Variants in CEMIP2 observed in about 807,000 individuals in gnomAD.
CEMIP2 encodes cell migration inducing hyaluronidase 2.
In CEMIP2, 79 loss-of-function variants were observed where a neutral mutation model predicts 146.9. That is an observed-to-expected ratio of 0.54 (90% CI 0.45 to 0.65). The LOEUF (loss-of-function observed/expected upper bound fraction) is 0.65, where lower values mean the gene tolerates loss of function less well. Ranked by LOEUF, CEMIP2 falls within the 30% of genes least tolerant of loss-of-function variation. The probability of loss-of-function intolerance (pLI) is 0.00; values close to 1 mark genes in which losing one functional copy is unlikely to be tolerated. For missense variants in CEMIP2, 1,596 were observed against 1,696.2 expected (o/e 0.94, Z 1.04); for synonymous variants, 601 against 606.3 (o/e 0.99, Z 0.13).
intron 7 of CEMIP2, among the ~76,000 whole-genome samples, chr9:71,731,476 C>A (rs1182668319): frequency 6.6e-6 from 1 of 152,122 alleles, no homozygotes; most frequent in Non-Finnish European, 1.5e-5. Flanking sequence ...GTGGCTCACA[C>A]CTAGCACTTT....
chr9:71,685,408 A>AG lies in CEMIP2; in HGVS notation c.3956-16_3956-15insC, dbSNP rs1554678955. 6.9e-5 allele frequency: 103 copies of AG among 1,496,144 alleles called. No homozygotes were observed. The highest frequency in any genetic ancestry group is 7.0e-5 in the Admixed American group (3 of 42,698). The allele number at this position is 1,496,144 out of a possible 1,614,324, so 92.7% of individuals were successfully genotyped here. On this transcript the variant is annotated splice_polypyrimidine_tract_variant and intron_variant, in intron 23 of 23. Coordinates refer to ENST00000377044, the MANE Select transcript of CEMIP2 (RefSeq NM_013390.3). ...TATGGTACTCCCTAAAAAAAAAAAA[A>AG]AAAAAGAAAAAGAAAAAAAATCAAT...
intron 4 of CEMIP2, among the ~76,000 whole-genome samples, chr9:71,741,614 TTTC>T (rs1823917534): frequency 3.0e-5 from 4 of 132,018 alleles, no homozygotes; most frequent in South Asian, 2.4e-4. Context: ...AACACCATTA[TTTC>T]TTTTTCTTTT....
chr9:71,717,332 G>A (rs927589746), intron 13 of CEMIP2, among the ~76,000 whole-genome samples: 2 of 151,974 alleles, frequency 1.3e-5, no homozygotes, highest in African/African-American at 2.4e-5. Flanking sequence ...CACAGTATCA[G>A]TTTTTTGGAT....
chr9:71,733,540 A>T (rs62547033), intron 6 of CEMIP2, among the ~76,000 whole-genome samples: 10,767 of 152,284 alleles, frequency 0.071, 540 homozygotes, highest in South Asian at 0.19. Flanking sequence ...CAGGTGAGCC[A>T]ATCACTATTT....
At chr9:71,726,156 C>A (rs548962774) in intron 10 of CEMIP2, among the ~76,000 whole-genome samples, 3 of 152,132 alleles carry the variant, frequency 2.0e-5, no homozygotes, top group Non-Finnish European at 4.4e-5. Flanking sequence ...TCACTGACTT[C>A]TTTCAAACAA....
intron 21 of CEMIP2, among the ~76,000 whole-genome samples, chr9:71,694,150 TCTCA>T (rs977674053): frequency 2.0e-5 from 3 of 150,860 alleles, no homozygotes; most frequent in African/African-American, 7.3e-5. Context: ...GGAGACAGAG[TCTCA>T]CTCTGTTGCA....
At chr9:71,707,443 C>T (rs749873297) in intron 17 of CEMIP2, among the ~76,000 whole-genome samples, 3 of 152,094 alleles carry the variant, frequency 2.0e-5, no homozygotes, top group Non-Finnish European at 4.4e-5. Context: ...CGTCTTTATT[C>T]CTCTTAAGCC....
intron 1 of CEMIP2, among the ~76,000 whole-genome samples, chr9:71,753,176 C>A (rs1354795546): frequency 3.3e-5 from 5 of 152,100 alleles, no homozygotes; most frequent in Non-Finnish European, 7.4e-5. Flanking sequence ...GGAATCACAG[C>A]CCTAATCTGC....
chr9:71,762,304 T>C (rs1244111941), intron 1 of CEMIP2, among the ~76,000 whole-genome samples: 1 of 152,004 alleles, frequency 6.6e-6, no homozygotes, highest in Non-Finnish European at 1.5e-5. Context: ...GCAGCTGGAC[T>C]TCACTTAGCC....
intron 15 of CEMIP2, among the ~76,000 whole-genome samples, chr9:71,713,013 G>A (rs1331441122): frequency 1.3e-5 from 2 of 152,140 alleles, no homozygotes; most frequent in African/African-American, 4.8e-5. Flanking sequence ...ATATATGCTA[G>A]CAAGAAAACC....
In CEMIP2 at chr9:71,740,066, C is replaced by T; in HGVS notation, c.1201G>A (p.Glu401Lys). The T allele has an allele frequency of 6.2e-7, 1 of 1,613,660 alleles. No homozygotes were observed. Among genetic ancestry groups the T allele is most frequent in the Non-Finnish European group, 8.5e-7 (1 of 1,179,856 alleles). ...AGTATAAACTCTACTTGCCTACCTT[C>T]AATCCATTCACTATAAGCTGTCACA... is the stretch of plus-strand genomic sequence containing the variant. ...FSVTAYSEWI[E>K]GVSLSGFRVE... is the part of the protein sequence containing the mutation. The change falls in exon 5 of 24, where the codon GAA (glutamate) becomes AAA (lysine). Residue 401 changes from glutamate to lysine, a missense_variant. Transcript: ENST00000377044.
rs755945416 is a variant in CEMIP2, at chr9:71,722,407, C to T, written c.2267+20G>A. The T allele has an allele frequency of 3.8e-6, 6 of 1,598,444 alleles. No homozygotes were observed. The highest frequency in any genetic ancestry group is 1.8e-5 in the Admixed American group (1 of 57,060). ...TTGGCAAAGTATAGCTTGAGTGTGA[C>T]TTAAAAGAGCCAGCTTTACCTTGCA... On this transcript the variant is annotated intron_variant, in intron 12 of 23. Transcript: ENST00000377044.
At chr9:71,738,836 C>CA (rs575313448) in intron 5 of CEMIP2, among the ~76,000 whole-genome samples, 42 of 145,380 alleles carry the variant, frequency 2.9e-4, no homozygotes, top group East Asian at 1.2e-3. Flanking sequence ...GACTCCGTCT[C>CA]AAAAAAAAAA....
chr9:71,700,620 T>A, intron 19 of CEMIP2, 22 bp downstream of exon 19: 6 of 1,553,762 alleles, frequency 3.9e-6, no homozygotes, highest in Non-Finnish European at 5.2e-6. Flanking sequence ...ATAATTCTCA[T>A]TCCCTGGTTT....
At chr9:71,690,538 G>A (rs1407755730) in intron 21 of CEMIP2, among the ~76,000 whole-genome samples, 1 of 152,176 alleles carries the variant, frequency 6.6e-6, no homozygotes, top group Non-Finnish European at 1.5e-5. Context: ...ACTCTGAAGT[G>A]TTCAAGGTAT....
At chr9:71,722,675 C>A (rs1476900104) in intron 11 of CEMIP2, among the ~76,000 whole-genome samples, 160 bp from the exon 12 acceptor site, 1 of 150,672 alleles carries the variant, frequency 6.6e-6, no homozygotes, top group Non-Finnish European at 1.5e-5. Flanking sequence ...AAAACAGCTA[C>A]TTTCCTGGAT....
intron 8 of CEMIP2, 32 bp from the exon 9 acceptor site, chr9:71,730,285 G>T: frequency 1.9e-6 from 3 of 1,592,208 alleles, no homozygotes; most frequent in Non-Finnish European, 2.6e-6. Context: ...AATGTCATTG[G>T]TAACAAGAAT....
chr9:71,699,434 T>C (rs1822491969), intron 19 of CEMIP2: 1 of 425,048 alleles, frequency 2.4e-6, no homozygotes, highest in Non-Finnish European at 4.6e-6. Context: ...CTGGGCAACA[T>C]AGGGATACAC....
At chr9:71,733,360 A>T (rs900355882) in intron 6 of CEMIP2, among the ~76,000 whole-genome samples, 2 of 152,164 alleles carry the variant, frequency 1.3e-5, no homozygotes, top group African/African-American at 4.8e-5. Flanking sequence ...GTTCATGAAG[A>T]CTCATCATGC....
Sources: gnomAD v4.1 joint callset for allele counts (sites outside exome capture counted in the v4.1 genomes callset) on GRCh38, gnomAD v4.1.1 for gene constraint, MANE v1.5 for transcripts, NCBI Gene and HGNC (gene_info 2026-07-23, HGNC 2026-07-21) for gene names.